The following TUSC3 variants were observed in gnomAD, a reference collection of about 807,000 sequenced individuals.
The protein encoded by TUSC3 is dolichyl-diphosphooligosaccharide--protein glycosyltransferase subunit TUSC3.
A neutral mutation model predicts 44.8 loss-of-function variants in TUSC3; 45 were observed. The ratio of observed to expected loss-of-function variants is 1.00; its 90% CI spans 0.79 to 1.29. TUSC3 has a LOEUF of 1.29. Among genes scored for constraint, TUSC3 ranks in the 50% most tolerant of loss-of-function variants. The pLI, the probability that TUSC3 is intolerant of heterozygous loss-of-function variation, is 0.00. For missense variants in TUSC3, 519 were observed against 437.9 expected, an observed-to-expected ratio of 1.19 and a Z score of -1.65; for synonymous variants, 212 against 152.9, an observed-to-expected ratio of 1.39 and a Z score of -2.85.
intron 6 of TUSC3, among the ~76,000 whole-genome samples, chr8:15,711,718 A>G (rs1244016119): frequency 6.6e-6 from 1 of 151,756 alleles, no homozygotes; most frequent in Non-Finnish European, 1.5e-5. Context: ...CTTGTGAACA[A>G]TAGTATCTTG....
intron 6 of TUSC3, among the ~76,000 whole-genome samples, chr8:15,693,500 C>T (rs1809014414): frequency 8.3e-6 from 1 of 121,018 alleles, no homozygotes; most frequent in South Asian, 2.9e-4. Flanking sequence ...TCTCTCCTGG[C>T]TTGTAGGGTT....
At chr8:15,790,673 G>T in the TUSC3 span, among the ~76,000 whole-genome samples, 93 of 152,264 alleles carry the variant, frequency 6.1e-4, no homozygotes, top group African/African-American at 2.2e-3. Flanking sequence ...AAGGGTAGAG[G>T]TACCGGTGCA....
rs372188621 is a variant in TUSC3 at position 15,422,786 on chromosome 8, G to A, written n.91+5481G>A. 7.2e-5 allele frequency among the ~76,000 whole-genome samples: 11 copies of A among 151,854 alleles called. No homozygotes were observed. The East Asian group carries it at 1.4e-3, about 19-fold the overall frequency. On this transcript the variant is annotated intron_variant and non_coding_transcript_variant, in intron 1 of 5. Transcript: ENST00000503191. ...GCCTCCCAGGTAATTAAGACTACAGGCACCCACCACCAAACCCAGCTAATT... is the reference window on the plus strand; with the variant it reads ...GCCTCCCAGGTAATTAAGACTACAGACACCCACCACCAAACCCAGCTAATT...
At chr8:15,624,760 C>A (rs1228170623) in intron 2 of TUSC3, among the ~76,000 whole-genome samples, 1 of 152,102 alleles carries the variant, frequency 6.6e-6, no homozygotes, top group Non-Finnish European at 1.5e-5. Flanking sequence ...TATTTTCCTC[C>A]TCATTACAGG....
chr8:15,600,616 G>A (rs1292369367), intron 1 of TUSC3, among the ~76,000 whole-genome samples: 1 of 151,548 alleles, frequency 6.6e-6, no homozygotes, highest in African/African-American at 2.4e-5. Flanking sequence ...TAGGGGAGAG[G>A]GATAAACATA....
intron 1 of TUSC3, among the ~76,000 whole-genome samples, chr8:15,603,107 ATAGTTGCCACACATG>A (rs1804360511): frequency 6.6e-6 from 1 of 151,660 alleles, no homozygotes; most frequent in African/African-American, 2.4e-5. Context: ...AGAAGATATC[ATAGTTGCCACACATG>A]TAGTTAATTA....
At chr8:15,561,077 G>A (rs1303855801) in intron 1 of TUSC3, among the ~76,000 whole-genome samples, 35 of 127,496 alleles carry the variant, frequency 2.7e-4, no homozygotes, top group Non-Finnish European at 1.7e-4. Context: ...GAGGAGAGGC[G>A]CTCTGCGTTT....
intron 1 of TUSC3, among the ~76,000 whole-genome samples, chr8:15,474,038 G>A (rs559975829): frequency 8.5e-4 from 130 of 152,122 alleles, no homozygotes; most frequent in African/African-American, 2.9e-3. Flanking sequence ...TAGACCTCCC[G>A]CCAGGAATGC....
chr8:15,789,669 A>G, the TUSC3 span, among the ~76,000 whole-genome samples: 1 of 152,206 alleles, frequency 6.6e-6, no homozygotes, highest in Non-Finnish European at 1.5e-5. Context: ...ACAATTCTAA[A>G]TCTATTGCAA....
At chr8:15,484,203 C>T (rs1444324651) in intron 2 of TUSC3, among the ~76,000 whole-genome samples, 1 of 152,162 alleles carries the variant, frequency 6.6e-6, no homozygotes, top group Non-Finnish European at 1.5e-5. Context: ...TTTACATGCA[C>T]TTATGCAACC....
chr8:15,419,306 G>A (rs556310216), intron 1 of TUSC3, among the ~76,000 whole-genome samples: 1 of 152,334 alleles, frequency 6.6e-6, no homozygotes, highest in South Asian at 2.1e-4. Flanking sequence ...TGACAGGAAA[G>A]AATGAGCTAT....
chr8:15,839,741 G>C, the TUSC3 span, among the ~76,000 whole-genome samples: 2 of 152,152 alleles, frequency 1.3e-5, no homozygotes, highest in African/African-American at 2.4e-5. Flanking sequence ...GTGCTGGAGA[G>C]GATGTGGAGA....
chr8:15,517,114 G>A (rs1801227269), intron 2 of TUSC3, among the ~76,000 whole-genome samples: 1 of 152,106 alleles, frequency 6.6e-6, no homozygotes, highest in Non-Finnish European at 1.5e-5. Flanking sequence ...GCTTTGCCAA[G>A]TTTCTGAACA....
intron 2 of TUSC3, among the ~76,000 whole-genome samples, chr8:15,486,527 C>G (rs935699175): frequency 6.6e-6 from 1 of 152,136 alleles, no homozygotes; most frequent in Non-Finnish European, 1.5e-5. Context: ...TCACTGCAAC[C>G]TCCGCCTCCC....
At chr8:15,531,216 C>G (rs1246140374) in intron 2 of TUSC3, among the ~76,000 whole-genome samples, 1 of 152,168 alleles carries the variant, frequency 6.6e-6, no homozygotes, top group Non-Finnish European at 1.5e-5. Flanking sequence ...CTGCCTGGGC[C>G]TCTCCCAGGT....
At chr8:15,554,057 G>A (rs915824376) in intron 1 of TUSC3, among the ~76,000 whole-genome samples, 1 of 151,468 alleles carries the variant, frequency 6.6e-6, no homozygotes, top group East Asian at 2.0e-4. Flanking sequence ...ATCCGTGTCT[G>A]GTGAGGCCCA....
chr8:15,544,023 C>G (rs531665698), intron 1 of TUSC3, among the ~76,000 whole-genome samples: 1 of 151,474 alleles, frequency 6.6e-6, no homozygotes, highest in African/African-American at 2.4e-5. Flanking sequence ...TGTTATATTC[C>G]CTGTTGGAGA....
chr8:15,570,265 T>TAC (rs3070896), intron 1 of TUSC3, among the ~76,000 whole-genome samples: 13,479 of 148,044 alleles, frequency 0.091, 667 homozygotes, highest in South Asian at 0.22. Context: ...TAATGTATTT[T>TAC]ACACACACAC....
intron 1 of TUSC3, among the ~76,000 whole-genome samples, chr8:15,587,911 C>G (rs748503142): frequency 6.6e-6 from 1 of 152,038 alleles, no homozygotes; most frequent in Non-Finnish European, 1.5e-5. Flanking sequence ...TCTTTAATAG[C>G]TAAATAATAT....
Sources: gnomAD v4.1 joint callset for allele counts (sites outside exome capture counted in the v4.1 genomes callset) on GRCh38, gnomAD v4.1.1 for gene constraint, MANE v1.5 for transcripts, NCBI Gene and HGNC (gene_info 2026-07-23, HGNC 2026-07-21) for gene names.